Variants in WDFY4 observed in about 807,000 individuals in gnomAD.
The protein encoded by WDFY4 is WDFY family member 4, also known as WD repeat- and FYVE domain-containing protein 4.
In WDFY4, 169 loss-of-function variants were observed where a neutral mutation model predicts 351.9. The observed-to-expected ratio is 0.48, with a 90% confidence interval of 0.42 to 0.55. WDFY4 has a LOEUF of 0.55. Ranked by LOEUF, WDFY4 falls within the 20% of genes least tolerant of loss-of-function variation. The pLI is 0.00. For synonymous variants in WDFY4, 1,622 were observed against 1,574.6 expected, an observed-to-expected ratio of 1.03 and a Z score of -0.71; for missense variants, 3,803 against 3,935.6, an observed-to-expected ratio of 0.97 and a Z score of 0.90.
In WDFY4 at chr10:48,966,824, G is replaced by C. The variant is rs1590011580; in HGVS notation, c.8584+151G>C. ...CATCTCCAGTCACAGCCAGATTCTA[G>C]GGGGGTGTCATCTCTGGGAAGTGTC... On this transcript the variant is annotated intron_variant, in intron 55 of 61. Transcript: ENST00000325239. The C allele has an allele frequency of 5.4e-6, 6 of 1,102,884 alleles. No homozygotes were observed. In the East Asian group the frequency reaches 1.6e-4, roughly 30 times the overall value. The allele number at this position is 1,102,884 out of a possible 1,614,324, so 68.3% of individuals were successfully genotyped here. A position where few individuals can be genotyped will look rare whatever the true frequency, so the allele number is the denominator to read the frequency against.
In WDFY4 at chr10:48,778,784, G is replaced by A. The variant is rs766404213; in HGVS notation, c.3349G>A (p.Asp1117Asn). Residue 1117 changes from aspartate to asparagine, a missense_variant, in exon 18 of 62, where the codon GAC becomes AAC. Transcript: ENST00000325239. ...CTTCTCCGTCAGCCTCTGCCCAGAC[G>A]ACCTCTCCTTGGTTGTTTCTACAGA... ...VCFSVSLCPD[D>N]LSLVVSTEEK... 84 of 1,551,416 alleles carry A rather than the reference G, an allele frequency of 5.4e-5. No individual in the cohort carries two copies. Among genetic ancestry groups the A allele is most frequent in the South Asian group, 1.4e-4 (12 of 84,066 alleles).
Position 48,789,932 on chromosome 10 carries a change from G to T in WDFY4, c.4013G>T (p.Gly1338Val), listed in dbSNP as rs1005118656. 19 of 1,552,280 alleles carry T rather than the reference G, an allele frequency of 1.2e-5. No individual in the cohort carries two copies. Among genetic ancestry groups the T allele is most frequent in the Non-Finnish European group, 1.6e-5 (18 of 1,147,160 alleles). Residue 1338 changes from glycine (G) to valine (V), a missense_variant, in exon 22 of 62, where the codon GGC becomes GTC. By Grantham distance (109) the Gly-to-Val change is moderately radical. This residue lies in a region of WDFY4 where 3,054 missense variants were observed against 3,148.6 expected (regional missense o/e 0.97). Transcript: ENST00000325239. ...GTGTTCTTGCTGAGGAATTGTGCTGGCCACCTGTCAGGGTCTCTGCGGACC... is the reference window on the plus strand; with the variant it reads ...GTGTTCTTGCTGAGGAATTGTGCTGTCCACCTGTCAGGGTCTCTGCGGACC... ...MPVFLLRNCA[G>V]HLSGSLRTIG...
At position 48,705,943 on chromosome 10, in the gene WDFY4, A is replaced by T. The variant is rs115548421; in HGVS notation, c.-17-3773A>T. On this transcript the variant is annotated intron_variant, in intron 1 of 61. Transcript: ENST00000325239. Reference sequence around the variant, plus strand: ...GATAGAGCCAGTTAGTAAAGCCTGCAGGTGTGGCCACAGAATGAACTTTAT... The same window carrying T: ...GATAGAGCCAGTTAGTAAAGCCTGCTGGTGTGGCCACAGAATGAACTTTAT... Among the ~76,000 whole-genome samples, 1,035 of 152,322 alleles carry T rather than the reference A, an allele frequency of 6.8e-3. 9 individuals carry two copies. The highest frequency in any genetic ancestry group is 0.023 in the African/African-American group (967 of 41,564).
intron 5 of WDFY4, 55 bp downstream of exon 5, chr10:48,723,622 G>A: frequency 1.3e-6 from 2 of 1,546,560 alleles, no homozygotes; most frequent in Non-Finnish European, 1.7e-6. Context: ...TTCGGGGACA[G>A]ACTCTCCAAT....
intron 20 of WDFY4, among the ~76,000 whole-genome samples, chr10:48,788,121 C>T (rs912610638): frequency 6.6e-6 from 1 of 151,512 alleles, no homozygotes. Flanking sequence ...TCTGCCTCCC[C>T]GGTTCAAGCC....
At chr10:48,981,943 C>A (rs565236985) in intron 61 of WDFY4, among the ~76,000 whole-genome samples, 1 of 152,290 alleles carries the variant, frequency 6.6e-6, no homozygotes, top group East Asian at 1.9e-4. Context: ...TCGCAGTAAC[C>A]CATGGAGGTG....
chr10:48,980,846 G>A (rs1842776204), intron 60 of WDFY4, among the ~76,000 whole-genome samples: 1 of 152,086 alleles, frequency 6.6e-6, no homozygotes, highest in Non-Finnish European at 1.5e-5. Context: ...GTCCCCAAAT[G>A]CAGTCATTAA....
intron 51 of WDFY4, among the ~76,000 whole-genome samples, chr10:48,950,470 G>A (rs1334686652): frequency 6.6e-6 from 1 of 152,164 alleles, no homozygotes; most frequent in Non-Finnish European, 1.5e-5. Context: ...TGACAATGAA[G>A]GGTGCTGCTG....
chr10:48,746,975 C>CT (rs1352323225), intron 12 of WDFY4, among the ~76,000 whole-genome samples: 2 of 152,146 alleles, frequency 1.3e-5, no homozygotes, highest in East Asian at 1.9e-4. Flanking sequence ...GCTCACCATT[C>CT]TTTTTTGCAT....
intron 23 of WDFY4, among the ~76,000 whole-genome samples, chr10:48,792,979 T>G (rs2066733593): frequency 6.6e-6 from 1 of 152,132 alleles, no homozygotes. Context: ...TGCTGTCACA[T>G]GTAGGTAGAG....
At chr10:48,974,040 T>G (rs966279409) in intron 57 of WDFY4, among the ~76,000 whole-genome samples, 1 of 152,116 alleles carries the variant, frequency 6.6e-6, no homozygotes, top group African/African-American at 2.4e-5. Flanking sequence ...CATGTGAGAA[T>G]CCCCTGAGGG....
chr10:48,740,256 C>T (rs1195529479), intron 11 of WDFY4, among the ~76,000 whole-genome samples: 4 of 152,182 alleles, frequency 2.6e-5, no homozygotes, highest in South Asian at 2.1e-4. Flanking sequence ...AGACGCGTGC[C>T]GTACCACATC....
In WDFY4 at chr10:48,822,467, A is replaced by G; in HGVS notation, c.5912A>G (p.Lys1971Arg). Residue 1971 changes from lysine (K) to arginine (R), a missense_variant, in exon 35 of 62, where the codon AAG becomes AGG. Physicochemically the swap from Lys to Arg is conservative, Grantham distance 26. Around this residue, in one of 3 missense-constraint regions of WDFY4, gnomAD observed 3,054 missense variants for 3,148.6 expected, o/e 0.97. Coordinates refer to ENST00000325239, the MANE Select transcript of WDFY4 (RefSeq NM_001394531.1). ...TGCTTCACCCAGAAGCTGGTGGAGAAGCTGTACAGTGGGATGTTCTCGGCA... is the reference window on the plus strand; with the variant it reads ...TGCTTCACCCAGAAGCTGGTGGAGAGGCTGTACAGTGGGATGTTCTCGGCA... ...ISCFTQKLVE[K>R]LYSGMFSADP... The G allele has an allele frequency of 6.4e-7, 1 of 1,551,308 alleles. No individual in the cohort carries two copies. The highest frequency in any genetic ancestry group is 8.7e-7 in the Non-Finnish European group (1 of 1,146,618).
chr10:48,882,161 C>A (rs1355406687), intron 43 of WDFY4, among the ~76,000 whole-genome samples: 1 of 152,084 alleles, frequency 6.6e-6, no homozygotes. Flanking sequence ...GCCTTAGGAC[C>A]CAGCTTGAGG....
At chr10:48,970,027 A>C in intron 56 of WDFY4, 104 bp from the exon 57 acceptor site, 2 of 1,369,742 alleles carry the variant, frequency 1.5e-6, no homozygotes, top group Non-Finnish European at 2.0e-6. Flanking sequence ...GCATGTCCCC[A>C]GTTCCCAAGG....
rs918584262 is a variant in WDFY4 at position 48,865,159 on chromosome 10, C to T, written c.6664-2106C>T. On this transcript the variant is annotated intron_variant, in intron 39 of 61. Coordinates refer to ENST00000325239, the MANE Select transcript of WDFY4 (RefSeq NM_001394531.1). ...TTCCTGATGTTAAGGAACATTCAGT[C>T]CTTCACCACCAAGTATAATGTTGTA... Among the ~76,000 whole-genome samples, 3 of 152,256 alleles carry T rather than the reference C, an allele frequency of 2.0e-5. No individual in the cohort carries two copies. In the East Asian group the frequency reaches 5.8e-4, roughly 29 times the overall value.
At chr10:48,966,153 A>C (rs1052134775) in intron 54 of WDFY4, among the ~76,000 whole-genome samples, 1 of 152,184 alleles carries the variant, frequency 6.6e-6, no homozygotes, top group Non-Finnish European at 1.5e-5. Context: ...AGGTTGAGCC[A>C]ATAAAGGGAG....
Position 48,824,724 on chromosome 10 carries a change from C to T in WDFY4, c.5983-1947C>T, listed in dbSNP as rs573462101. The stretch of plus-strand genomic sequence containing the variant: ...GATGGAGTGCAGTTCACCTCAGCCT[C>T]GAAATCCTGGGCTCAAGCAATCCTC... On this transcript the variant is annotated intron_variant, in intron 35 of 61. Coordinates refer to ENST00000325239, the MANE Select transcript of WDFY4 (RefSeq NM_001394531.1). Among the ~76,000 whole-genome samples, 21 of 152,222 alleles carry T rather than the reference C, an allele frequency of 1.4e-4. No individual in the cohort carries two copies. The South Asian group carries it at 3.9e-3, about 29-fold the overall frequency.
At chr10:48,853,252 A>G (rs1336281892) in intron 39 of WDFY4, among the ~76,000 whole-genome samples, 2 of 152,102 alleles carry the variant, frequency 1.3e-5, no homozygotes, top group Non-Finnish European at 2.9e-5. Context: ...ACAAGTCCAC[A>G]TGGCTGTGGA....
Sources: gnomAD v4.1 joint callset for allele counts (sites outside exome capture counted in the v4.1 genomes callset) on GRCh38, gnomAD v4.1.1 for gene constraint, gnomAD v4.1.1 regional missense constraint, MANE v1.5 for transcripts, NCBI Gene and HGNC (gene_info 2026-07-23, HGNC 2026-07-21) for gene names.